KLRF1: variants seen among roughly 807,000 people sequenced by gnomAD.
The protein encoded by KLRF1 is killer cell lectin-like receptor subfamily F member 1.
A neutral mutation model predicts 30.7 loss-of-function variants in KLRF1; 27 were observed. The observed-to-expected ratio is 0.88, with a 90% CI of 0.65 to 1.21. KLRF1 has a LOEUF of 1.21. Ranked by LOEUF, KLRF1 falls within the 50% of genes most tolerant of loss-of-function variation. The pLI, the probability that KLRF1 is intolerant of heterozygous loss-of-function variation, is 0.00. For missense variants in KLRF1, 246 were observed against 259.3 expected, an observed-to-expected ratio of 0.95 and a Z score of 0.35; for synonymous variants, 92 against 89.3, an observed-to-expected ratio of 1.03 and a Z score of -0.17.
chr12:9,835,266 G>A (rs923358885), intron 3 of KLRF1, among the ~76,000 whole-genome samples: 13 of 152,062 alleles, frequency 8.5e-5, no homozygotes, highest in African/African-American at 3.1e-4. Context: ...GACCTTGTGC[G>A]AGGCAAAACT....
At chr12:9,834,063 T>G (rs770214021) in intron 3 of KLRF1, among the ~76,000 whole-genome samples, 10 of 148,002 alleles carry the variant, frequency 6.8e-5, no homozygotes, top group Admixed American at 6.6e-4. Context: ...AAGAGGGTAA[T>G]TCTCTGGCAG....
the KLRF1 span, among the ~76,000 whole-genome samples, chr12:9,804,635 G>A: frequency 6.6e-6 from 1 of 151,952 alleles, no homozygotes; most frequent in Non-Finnish European, 1.5e-5. Context: ...TTAACTTTAT[G>A]TTTTGTATAT....
At chr12:9,821,895 C>G in the KLRF1 span, among the ~76,000 whole-genome samples, 1 of 152,212 alleles carries the variant, frequency 6.6e-6, no homozygotes, top group Non-Finnish European at 1.5e-5. Flanking sequence ...AGCTTTAATA[C>G]CAAACTACTT....
At chr12:9,834,830 A>C (rs1867534492) in intron 3 of KLRF1, among the ~76,000 whole-genome samples, 1 of 152,076 alleles carries the variant, frequency 6.6e-6, no homozygotes, top group African/African-American at 2.4e-5. Context: ...AGGTAAAAAC[A>C]ACACTCTTCA....
the KLRF1 span, among the ~76,000 whole-genome samples, chr12:9,816,935 GT>G: frequency 6.6e-6 from 1 of 151,524 alleles, no homozygotes; most frequent in Non-Finnish European, 1.5e-5. Context: ...GGGTTTCACC[GT>G]GTTAGCCAGG....
At chr12:9,840,863 T>C (rs1032704619) in intron 3 of KLRF1, among the ~76,000 whole-genome samples, 11 of 152,100 alleles carry the variant, frequency 7.2e-5, no homozygotes, top group African/African-American at 2.7e-4. Context: ...AGCGTAAATT[T>C]GTTCAGCCGT....
In KLRF1 at chr12:9,842,355, A is replaced by G; in HGVS notation, c.509A>G (p.Tyr170Cys). The change falls in exon 5 of 6, where the codon TAC (tyrosine) becomes TGC (cysteine). Residue 170 changes from tyrosine to cysteine, a missense_variant. Coordinates refer to ENST00000617889, the MANE Select transcript of KLRF1 (RefSeq NM_016523.3). Reference protein sequence around the residue: ...FIQKNLRQLNYVWIGLNFTSL... With the variant: ...FIQKNLRQLNCVWIGLNFTSL... ...CAGAAAAACCTAAGACAATTAAACT[A>G]CGTATGGATTGGGCTTAACTTTACC... 6.2e-7 allele frequency: 1 copy of G among 1,611,962 alleles called. No individual in the cohort carries two copies. Among genetic ancestry groups the G allele is most frequent in the Non-Finnish European group, 8.5e-7 (1 of 1,178,468 alleles).
At chr12:9,822,127 T>C in the KLRF1 span, among the ~76,000 whole-genome samples, 1 of 152,192 alleles carries the variant, frequency 6.6e-6, no homozygotes, top group Non-Finnish European at 1.5e-5. Context: ...GTCCTCCAAA[T>C]GACTGCGCTA....
the KLRF1 span, among the ~76,000 whole-genome samples, chr12:9,810,796 G>A: frequency 7.2e-5 from 11 of 152,256 alleles, no homozygotes; most frequent in Middle Eastern, 3.4e-3. Context: ...TTTTTATGAA[G>A]TGACTTGCCA....
At chr12:9,805,198 T>C in the KLRF1 span, among the ~76,000 whole-genome samples, 2 of 152,042 alleles carry the variant, frequency 1.3e-5, no homozygotes, top group African/African-American at 2.4e-5. Context: ...GGGCAATTTA[T>C]AAATAATAGA....
intron 3 of KLRF1, among the ~76,000 whole-genome samples, chr12:9,833,901 C>CTTTTTT (rs35443913): frequency 6.6e-4 from 54 of 82,396 alleles, no homozygotes; most frequent in African/African-American, 2.3e-3. Flanking sequence ...AAATGTTTAA[C>CTTTTTT]TTTTTTTTTT....
At chr12:9,815,954 G>A in the KLRF1 span, among the ~76,000 whole-genome samples, 3 of 152,262 alleles carry the variant, frequency 2.0e-5, no homozygotes, top group South Asian at 6.2e-4. Context: ...GAATAGCTGG[G>A]ATTACAGGCA....
chr12:9,840,323 G>C (rs1867672769), intron 3 of KLRF1, among the ~76,000 whole-genome samples: 1 of 151,912 alleles, frequency 6.6e-6, no homozygotes, highest in African/African-American at 2.4e-5. Flanking sequence ...ACTTTAAAAT[G>C]GCTAAAATGG....
intron 3 of KLRF1, among the ~76,000 whole-genome samples, chr12:9,837,321 T>C (rs1204182564): frequency 6.6e-6 from 1 of 151,718 alleles, no homozygotes; most frequent in Non-Finnish European, 1.5e-5. Context: ...TATCTATAAA[T>C]ATAGATACAT....
chr12:9,844,602 G>T lies in KLRF1; in HGVS notation c.*76G>T. 1.3e-6 allele frequency: 1 copy of T among 773,402 alleles called. No homozygotes were observed. The allele number at this position is 773,402 out of a possible 1,614,324, so 47.9% of individuals were successfully genotyped here. A position where few individuals can be genotyped will look rare whatever the true frequency, so the allele number is the denominator to read the frequency against. On this transcript the variant is annotated 3_prime_UTR_variant, in exon 6 of 6. Coordinates refer to ENST00000617889, the MANE Select transcript of KLRF1 (RefSeq NM_016523.3). Reference sequence around the variant, plus strand: ...ATTAGTTTCTAATATTAATCTCCAGGTGTAAGATTTTAAAGTGCAATTAAA... The same window carrying T: ...ATTAGTTTCTAATATTAATCTCCAGTTGTAAGATTTTAAAGTGCAATTAAA...
chr12:9,816,148 A>G, the KLRF1 span, among the ~76,000 whole-genome samples: 3 of 152,176 alleles, frequency 2.0e-5, no homozygotes, highest in African/African-American at 7.2e-5. Flanking sequence ...AGCTGCTTCA[A>G]TGACTGCGGA....
intron 1 of KLRF1, among the ~76,000 whole-genome samples, chr12:9,831,010 G>A (rs916256053): frequency 2.0e-5 from 3 of 150,798 alleles, no homozygotes; most frequent in Non-Finnish European, 3.0e-5. Context: ...TCGCTCTGTC[G>A]CCCAGGCTGG....
chr12:9,813,019 G>T, the KLRF1 span, among the ~76,000 whole-genome samples: 1 of 152,168 alleles, frequency 6.6e-6, no homozygotes, highest in African/African-American at 2.4e-5. Context: ...TCACAGAGTG[G>T]GTGGTCAGCC....
At chr12:9,811,194 C>T in the KLRF1 span, among the ~76,000 whole-genome samples, 1 of 149,890 alleles carries the variant, frequency 6.7e-6, no homozygotes, top group Non-Finnish European at 1.5e-5. Flanking sequence ...AAAAAAGGTA[C>T]CTGGGGAGTT....
Sources: gnomAD v4.1 joint callset for allele counts (sites outside exome capture counted in the v4.1 genomes callset) on GRCh38, gnomAD v4.1.1 for gene constraint, MANE v1.5 for transcripts, NCBI Gene and HGNC (gene_info 2026-07-23, HGNC 2026-07-21) for gene names.